Variants in MYOM2 observed in about 807,000 individuals in gnomAD.
MYOM2 encodes myomesin 2.
Under a neutral mutation model 187.6 loss-of-function variants are expected in MYOM2, and 254 were observed. The observed-to-expected ratio is 1.35, with a 90% confidence interval of 1.22 to 1.50. The LOEUF (loss-of-function observed/expected upper bound fraction) is 1.50, where lower values mean the gene tolerates loss of function less well. MYOM2 is among the 40% of genes most tolerant of loss of function. The pLI, the probability that MYOM2 is intolerant of heterozygous loss-of-function variation, is 0.00. For synonymous variants in MYOM2, 981 were observed against 753.8 expected (o/e 1.30, Z -4.94); for missense variants, 2,796 against 1,924.0 (o/e 1.45, Z -8.48).
In MYOM2 at chr8:2,069,329, C is replaced by A. The variant is rs761817959; in HGVS notation, c.705C>A (p.His235Gln). The A allele has an allele frequency of 6.2e-7, 1 of 1,613,926 alleles. No individual in the cohort carries two copies. The highest frequency in any genetic ancestry group is 8.5e-7 in the Non-Finnish European group (1 of 1,179,948). The stretch of plus-strand genomic sequence containing the variant: ...ACTCAGCAGTGGCCACCAATGCCCA[C>A]GGACAAGTGTCCACCAACGCGGCGG... Reference protein sequence around the residue: ...ATYSAVATNAHGQVSTNAAVV... With the variant: ...ATYSAVATNAQGQVSTNAAVV... Residue 235 changes from histidine to glutamine, a missense_variant, in exon 7 of 37, where the codon CAC becomes CAA. Physicochemically the swap from His to Gln is conservative, Grantham distance 24. Coordinates refer to ENST00000262113, the MANE Select transcript of MYOM2 (RefSeq NM_003970.4).
At chr8:2,058,390 G>A (rs1419230585) in intron 5 of MYOM2, among the ~76,000 whole-genome samples, 2 of 152,094 alleles carry the variant, frequency 1.3e-5, no homozygotes, top group African/African-American at 4.8e-5. Context: ...GCACGTGCAT[G>A]ATTGCTGACT....
chr8:2,045,873 G>A (rs774281905), intron 1 of MYOM2, among the ~76,000 whole-genome samples: 10 of 152,232 alleles, frequency 6.6e-5, no homozygotes, highest in Non-Finnish European at 1.3e-4. Context: ...GGAAGGCACC[G>A]GAGGCAAACG....
Position 2,145,111 on chromosome 8 carries a change from C to A in MYOM2, c.*130C>A. 3 of 1,025,384 alleles carry A rather than the reference C, an allele frequency of 2.9e-6. No individual in the cohort carries two copies. Among genetic ancestry groups the A allele is most frequent in the Non-Finnish European group, 4.3e-6 (3 of 704,234 alleles). The allele number at this position is 1,025,384 out of a possible 1,614,324, so 63.5% of individuals were successfully genotyped here. A position where few individuals can be genotyped will look rare whatever the true frequency, so the allele number is the denominator to read the frequency against. The stretch of plus-strand genomic sequence containing the variant: ...GGCTGATAGTTGATCACACATTGTG[C>A]TTTTGATTTTTGCATTTGGTGATGA... On this transcript the variant is annotated 3_prime_UTR_variant, in exon 37 of 37. Coordinates refer to ENST00000262113, the MANE Select transcript of MYOM2 (RefSeq NM_003970.4).
chr8:2,094,302 A>G (rs1796408895), intron 17 of MYOM2, among the ~76,000 whole-genome samples: 1 of 152,242 alleles, frequency 6.6e-6, no homozygotes, highest in Admixed American at 6.5e-5. Flanking sequence ...ATACACTAAT[A>G]AAACGCAAAT....
intron 1 of MYOM2, among the ~76,000 whole-genome samples, chr8:2,046,036 TA>T (rs1818301205): frequency 6.6e-6 from 1 of 152,250 alleles, no homozygotes; most frequent in Non-Finnish European, 1.5e-5. Context: ...AGTCCCAAGC[TA>T]AAACTTGTCT....
At chr8:2,081,514 A>C (rs959524322) in intron 13 of MYOM2, among the ~76,000 whole-genome samples, 2 of 152,252 alleles carry the variant, frequency 1.3e-5, no homozygotes, top group African/African-American at 4.8e-5. Context: ...AGCCCGGATC[A>C]CGCTGAGTGG....
At chr8:2,113,668 G>A (rs980396111) in intron 25 of MYOM2, among the ~76,000 whole-genome samples, 1 of 152,174 alleles carries the variant, frequency 6.6e-6, no homozygotes, top group African/African-American at 2.4e-5. Context: ...GGCTTCTCAG[G>A]TCTGCACTGG....
intron 9 of MYOM2, among the ~76,000 whole-genome samples, chr8:2,073,096 C>T (rs1344593619): frequency 2.0e-5 from 3 of 152,190 alleles, no homozygotes; most frequent in Admixed American, 6.5e-5. Flanking sequence ...GGCGGCCGCT[C>T]GCAGCACGTC....
chr8:2,100,221 C>G (rs1311249509), intron 19 of MYOM2, among the ~76,000 whole-genome samples: 2 of 149,950 alleles, frequency 1.3e-5, no homozygotes, highest in African/African-American at 4.9e-5. Flanking sequence ...TCCTGCCTTC[C>G]TACCTTTCTT....
intron 32 of MYOM2, among the ~76,000 whole-genome samples, chr8:2,130,369 C>T (rs911808606): frequency 8.3e-6 from 1 of 120,988 alleles, no homozygotes; most frequent in African/African-American, 4.2e-5. Context: ...TAACGCCCCT[C>T]ACTACGCTAT....
chr8:2,098,805 G>A, intron 18 of MYOM2, 52 bp from the exon 19 acceptor site: 2 of 1,542,974 alleles, frequency 1.3e-6, no homozygotes, highest in Non-Finnish European at 1.8e-6. Context: ...CCCCTCAGTG[G>A]GCTGTAAGGC....
intron 25 of MYOM2, among the ~76,000 whole-genome samples, chr8:2,113,992 A>C (rs1797153124): frequency 6.6e-6 from 1 of 152,058 alleles, no homozygotes; most frequent in African/African-American, 2.4e-5. Context: ...TAGGGTGGGG[A>C]GGGTGCTCCC....
At chr8:2,083,352 G>A (rs1211923072) in intron 13 of MYOM2, among the ~76,000 whole-genome samples, 1 of 152,274 alleles carries the variant, frequency 6.6e-6, no homozygotes, top group Non-Finnish European at 1.5e-5. Flanking sequence ...GGTATCTTAT[G>A]TGTGCTTAGT....
chr8:2,082,317 C>T (rs769220698), intron 13 of MYOM2: 54 of 152,314 alleles, frequency 3.5e-4, no homozygotes, highest in Non-Finnish European at 5.1e-4. Flanking sequence ...TATAATGTTT[C>T]GAAGCGAACC....
At position 2,072,510 on chromosome 8, in the gene MYOM2, G is replaced by C; in HGVS notation, c.958+1G>C. ...CCGCGCGCCGAGTGGTACCGCGATG[G>C]TGAGTAGGACACGGCCCAGACCCGG... On this transcript the variant is annotated splice_donor_variant, in intron 9 of 36. Coordinates refer to ENST00000262113, the MANE Select transcript of MYOM2 (RefSeq NM_003970.4). LOFTEE classifies it high-confidence loss of function. 6.2e-7 allele frequency: 1 copy of C among 1,612,470 alleles called. No homozygotes were observed. Among genetic ancestry groups the C allele is most frequent in the Non-Finnish European group, 8.5e-7 (1 of 1,179,916 alleles).
intron 19 of MYOM2, among the ~76,000 whole-genome samples, chr8:2,100,085 TTTCCTTCC>T (rs1168618592): frequency 5.3e-5 from 3 of 56,122 alleles, no homozygotes; most frequent in Non-Finnish European, 7.4e-5. Context: ...TCCTTTCTTC[TTTCCTTCC>T]TTCCTTCCTT....
chr8:2,134,545 A>G (rs1797998644), intron 32 of MYOM2, among the ~76,000 whole-genome samples: 1 of 149,402 alleles, frequency 6.7e-6, no homozygotes, highest in Non-Finnish European at 1.5e-5. Flanking sequence ...TCAGCAGTGA[A>G]TCTGGCCTTC....
At chr8:2,137,291 C>A (rs909269892) in intron 32 of MYOM2, among the ~76,000 whole-genome samples, 1 of 151,870 alleles carries the variant, frequency 6.6e-6, no homozygotes, top group East Asian at 1.9e-4. Context: ...GCGATTGTTG[C>A]GTCCTCTTGG....
chr8:2,089,253 GAT>G (rs1796210629), intron 14 of MYOM2, among the ~76,000 whole-genome samples: 1 of 27,702 alleles, frequency 3.6e-5, no homozygotes, highest in Non-Finnish European at 1.2e-4. Flanking sequence ...AATTACAAAA[GAT>G]AAAAATTAAA....
Sources: allele counts gnomAD v4.1 joint callset (sites outside exome capture counted in the v4.1 genomes callset), GRCh38; gene constraint gnomAD v4.1.1; transcripts MANE v1.5; gene names NCBI Gene and HGNC (gene_info 2026-07-23, HGNC 2026-07-21).